The following UNC5B variants were observed in gnomAD, a reference collection of about 807,000 sequenced individuals.
UNC5B encodes unc-5 netrin receptor B, also known as netrin receptor UNC5B.
In UNC5B, 56 loss-of-function variants were observed where a neutral mutation model predicts 103.7. The observed-to-expected ratio is 0.54, with a 90% CI of 0.44 to 0.67. UNC5B has a LOEUF of 0.67. Ranked by LOEUF, UNC5B falls within the 30% of genes least tolerant of loss-of-function variation. The pLI, the probability that UNC5B is intolerant of heterozygous loss-of-function variation, is 0.00. For synonymous variants in UNC5B, 577 were observed against 542.0 expected (o/e 1.06, Z -0.90); for missense variants, 1,194 against 1,284.5 (o/e 0.93, Z 1.08).
chr10:71,237,313 C>A (rs937130024), intron 1 of UNC5B, among the ~76,000 whole-genome samples: 8 of 152,164 alleles, frequency 5.3e-5, no homozygotes, highest in African/African-American at 1.9e-4. Flanking sequence ...ACAGTTTAGC[C>A]CATGTGAGCC....
At chr10:71,260,579 G>T (rs1323091143) in intron 1 of UNC5B, among the ~76,000 whole-genome samples, 1 of 152,212 alleles carries the variant, frequency 6.6e-6, no homozygotes, top group African/African-American at 2.4e-5. Context: ...GGGAGGCTGG[G>T]GGGCATCAGG....
intron 1 of UNC5B, among the ~76,000 whole-genome samples, chr10:71,265,905 C>A (rs912855004): frequency 1.3e-5 from 2 of 152,190 alleles, no homozygotes; most frequent in African/African-American, 4.8e-5. Context: ...TCTTTCACAC[C>A]TCTGGCCTCT....
At chr10:71,279,654 G>T (rs918886525) in intron 1 of UNC5B, among the ~76,000 whole-genome samples, 167 bp from the exon 2 acceptor site, 2 of 152,238 alleles carry the variant, frequency 1.3e-5, no homozygotes, top group Non-Finnish European at 2.9e-5. Flanking sequence ...GGCCGCAGGA[G>T]TGCCAGACTT....
intron 1 of UNC5B, among the ~76,000 whole-genome samples, chr10:71,225,923 C>T (rs920068442): frequency 2.6e-5 from 4 of 152,112 alleles, no homozygotes; most frequent in Admixed American, 6.5e-5. Flanking sequence ...GCCCCTCACA[C>T]GGCTCCTCTG....
chr10:71,241,137 G>A (rs1589159373), intron 1 of UNC5B, among the ~76,000 whole-genome samples: 1 of 152,184 alleles, frequency 6.6e-6, no homozygotes, highest in South Asian at 2.1e-4. Flanking sequence ...TTACAGAGGA[G>A]AAAACTGAGG....
chr10:71,271,654 T>G (rs1015883628), intron 1 of UNC5B, among the ~76,000 whole-genome samples: 5 of 152,112 alleles, frequency 3.3e-5, no homozygotes, highest in Non-Finnish European at 7.4e-5. Flanking sequence ...AGGCCCGGGC[T>G]CATCCCAGCA....
At chr10:71,218,863 A>G (rs1290895089) in intron 1 of UNC5B, among the ~76,000 whole-genome samples, 1 of 152,218 alleles carries the variant, frequency 6.6e-6, no homozygotes. Context: ...TGGGATCCCC[A>G]GTGGAGAACC....
At chr10:71,220,143 A>T (rs1362835738) in intron 1 of UNC5B, among the ~76,000 whole-genome samples, 1 of 152,180 alleles carries the variant, frequency 6.6e-6, no homozygotes, top group Non-Finnish European at 1.5e-5. Flanking sequence ...GAACCCTCTC[A>T]GCTGCTTCTG....
chr10:71,276,250 A>G (rs566877736), intron 1 of UNC5B, among the ~76,000 whole-genome samples: 1 of 152,106 alleles, frequency 6.6e-6, no homozygotes, highest in Non-Finnish European at 1.5e-5. Context: ...TATGGAGCTC[A>G]TTGAGTTCAT....
At chr10:71,284,404 C>T (rs952955830) in intron 2 of UNC5B, among the ~76,000 whole-genome samples, 1 of 152,182 alleles carries the variant, frequency 6.6e-6, no homozygotes, top group African/African-American at 2.4e-5. Context: ...ACCCTACCCG[C>T]CTGCAGGCCA....
In UNC5B at chr10:71,246,226, G is replaced by T. The variant is rs952995724; in HGVS notation, c.79+33162G>T. On this transcript the variant is annotated intron_variant, in intron 1 of 16. Transcript: ENST00000335350. The stretch of plus-strand genomic sequence containing the variant: ...GTTCATTCGTCAACAAGACTGGCGT[G>T]GCTTGGGGGGCTGCATACTGTACGC... Among the ~76,000 whole-genome samples the T allele has an allele frequency of 2.6e-5, 4 of 152,228 alleles. No homozygotes were observed. In the South Asian group the frequency reaches 8.3e-4, roughly 32 times the overall value.
At chr10:71,262,697 T>C (rs1844440157) in intron 1 of UNC5B, among the ~76,000 whole-genome samples, 1 of 152,158 alleles carries the variant, frequency 6.6e-6, no homozygotes, top group Non-Finnish European at 1.5e-5. Flanking sequence ...TCCACATTGA[T>C]GGCAAATGGC....
chr10:71,216,661 C>A (rs796082734), intron 1 of UNC5B, among the ~76,000 whole-genome samples: 1 of 152,238 alleles, frequency 6.6e-6, no homozygotes, highest in Non-Finnish European at 1.5e-5. Context: ...TGCCCTCCCC[C>A]ACCTTTGTTG....
Position 71,284,862 on chromosome 10 carries a change from C to G in UNC5B, c.447C>G (p.Ala149=). 6.3e-7 allele frequency: 1 copy of G among 1,599,036 alleles called. No homozygotes were observed. Among genetic ancestry groups the G allele is most frequent in the Non-Finnish European group, 8.5e-7 (1 of 1,172,856 alleles). The change falls in exon 3 of 17, where the codon GCC becomes GCG. Residue 149 remains alanine, a splice_region_variant and synonymous_variant. Transcript: ENST00000335350. The part of the protein sequence containing the change: ...TKSRRAYVRI[A]YLRKNFDQEP... ...GTCGCCGAGCCTACGTCCGCATCGC[C>G]TGTACGCCACCCTGACCCCCACCCT...
intron 1 of UNC5B, among the ~76,000 whole-genome samples, chr10:71,227,504 A>C (rs60790875): frequency 0.19 from 28,423 of 151,534 alleles, 3,555 homozygotes; most frequent in African/African-American, 0.37. Flanking sequence ...AAATCTCAGA[A>C]ATCACCACTA....
intron 5 of UNC5B, 61 bp downstream of exon 5, chr10:71,286,930 GGGTAGGGGGGACCCCTGGATT>G (rs1457575489): frequency 6.3e-7 from 1 of 1,580,142 alleles, no homozygotes; most frequent in Non-Finnish European, 8.6e-7. Context: ...GAGAGCCTGG[GGGTAGGGGGGACCCCTGGATT>G]GGTAGGGAGG....
In UNC5B at chr10:71,299,873, A is replaced by T. The variant is rs1845546581; in HGVS notation, c.*596A>T. On this transcript the variant is annotated 3_prime_UTR_variant, in exon 17 of 17. Coordinates refer to ENST00000335350, the MANE Select transcript of UNC5B (RefSeq NM_170744.5). ...AGGGAAAAGAAAAACCCAGTTTCTT[A>T]GGAAACGCAAACGATTTATTATCCA... The T allele has an allele frequency of 1.3e-5, 2 of 152,216 alleles. No individual in the cohort carries two copies. Among genetic ancestry groups the T allele is most frequent in the Non-Finnish European group, 2.9e-5 (2 of 68,036 alleles). The allele number at this position is 152,216 out of a possible 1,614,324, so 9.4% of individuals were successfully genotyped here.
In UNC5B at chr10:71,280,174, A is replaced by T. The variant is rs377263820; in HGVS notation, c.304+129A>T. ...TAGCATTTCCCCAAGTGCTGGCCACATGTCCCAGCCTGACTTTGGGACCAT... is the reference window on the plus strand; with the variant it reads ...TAGCATTTCCCCAAGTGCTGGCCACTTGTCCCAGCCTGACTTTGGGACCAT... On this transcript the variant is annotated intron_variant, in intron 2 of 16. Transcript: ENST00000335350. 72 of 1,037,776 alleles carry T rather than the reference A, an allele frequency of 6.9e-5. No individual in the cohort carries two copies. The African/African-American group carries it at 1.0e-3, about 15-fold the overall frequency. 64.3% of individuals were successfully genotyped at this position (1,037,776 alleles called of 1,614,324 possible).
At chr10:71,267,765 C>T (rs1844553418) in intron 1 of UNC5B, among the ~76,000 whole-genome samples, 1 of 152,216 alleles carries the variant, frequency 6.6e-6, no homozygotes, top group Admixed American at 6.5e-5. Context: ...ACAGGCCTTC[C>T]CTTTGGCCAG....
Sources: allele counts gnomAD v4.1 joint callset (sites outside exome capture counted in the v4.1 genomes callset), GRCh38; gene constraint gnomAD v4.1.1; transcripts MANE v1.5; gene names NCBI Gene and HGNC (gene_info 2026-07-23, HGNC 2026-07-21).